The following LRRC43 variants were observed in gnomAD, a reference collection of about 807,000 sequenced individuals.
The protein encoded by LRRC43 is leucine rich repeat containing 43.
A neutral mutation model predicts 64.3 loss-of-function variants in LRRC43; 62 were observed. The observed-to-expected ratio is 0.96, with a 90% confidence interval of 0.79 to 1.19. The LOEUF is 1.19. Among genes scored for constraint, LRRC43 ranks in the 50% most tolerant of loss-of-function variants. The probability of loss-of-function intolerance (pLI) is 0.00; values close to 1 mark genes in which losing one functional copy is unlikely to be tolerated. For missense variants in LRRC43, 868 were observed against 845.0 expected (o/e 1.03, Z -0.34); for synonymous variants, 422 against 382.3 (o/e 1.10, Z -1.21).
chr12:122,171,429 C>G (rs1013860332), intron 1 of LRRC43, among the ~76,000 whole-genome samples: 1 of 152,178 alleles, frequency 6.6e-6, no homozygotes. Flanking sequence ...TGGTGCTGTC[C>G]TAGCTCACTG....
chr12:122,200,073 GT>G lies in LRRC43; in HGVS notation c.1350-113del. ...GCAGCCGGACCTCACGTCTCATGCT[GT>G]TTGTGGGCTTCGATGCTCGTGGTCT... is the stretch of plus-strand genomic sequence containing the variant. On this transcript the variant is annotated intron_variant, in intron 7 of 11. Transcript: ENST00000339777. This position sits in a 1 kb window ranked among gnomAD's most constrained non-coding sequence, Gnocchi z 4.6. The G allele has an allele frequency of 8.6e-7, 1 of 1,168,812 alleles. No homozygotes were observed. Among genetic ancestry groups the G allele is most frequent in the Admixed American group, 2.2e-5 (1 of 45,088 alleles). The allele number at this position is 1,168,812 out of a possible 1,614,324, so 72.4% of individuals were successfully genotyped here.
chr12:122,168,506 C>T (rs546363566), intron 1 of LRRC43, among the ~76,000 whole-genome samples: 1 of 151,646 alleles, frequency 6.6e-6, no homozygotes, highest in East Asian at 2.0e-4. Context: ...CCAGGCTGGT[C>T]TCGAGCTGAT....
chr12:122,202,178 T>C (rs1414708785), intron 11 of LRRC43: 1 of 152,024 alleles, frequency 6.6e-6, no homozygotes, highest in Non-Finnish European at 1.5e-5. Flanking sequence ...GTGATACTTA[T>C]CTGTGGGTTA....
chr12:122,179,768 C>A (rs150293131), upstream of LRRC43, among the ~76,000 whole-genome samples: 618 of 151,772 alleles, frequency 4.1e-3, 4 homozygotes, highest in African/African-American at 0.015. Context: ...GTCAAAAGGT[C>A]GAGACCATCC....
intron 1 of LRRC43, among the ~76,000 whole-genome samples, chr12:122,169,652 G>C (rs1195997621): frequency 6.1e-5 from 9 of 147,252 alleles, no homozygotes; most frequent in East Asian, 2.0e-4. Context: ...GGAGGCAGAG[G>C]TTGCAGTGAG....
rs200132936 is a variant in LRRC43, at chr12:122,184,608, G to A, written c.240G>A (p.Thr80=). The change falls in exon 2 of 12, where the codon ACG becomes ACA. Residue 80 remains threonine (T), a synonymous_variant. Transcript: ENST00000339777. This position sits in a 1 kb window ranked among gnomAD's most constrained non-coding sequence, Gnocchi z 4.0. The part of the protein sequence containing the change: ...EEDVVSPGEE[T]VEALLGLVRS... ...ATGTGGTGAGCCCCGGAGAGGAGAC[G>A]GTGGAGGCCCTGCTGGGCCTGGTCC... The A allele has an allele frequency of 1.1e-5, 18 of 1,613,950 alleles. No individual in the cohort carries two copies. Among genetic ancestry groups the A allele is most frequent in the Middle Eastern group, 1.6e-4 (1 of 6,062 alleles).
chr12:122,175,823 C>T (rs1182210157), intron 1 of LRRC43, among the ~76,000 whole-genome samples: 5 of 151,988 alleles, frequency 3.3e-5, no homozygotes, highest in Admixed American at 2.6e-4. Flanking sequence ...CCCACCACCA[C>T]GCCGGGCTAA....
At position 122,193,128 on chromosome 12, in the gene LRRC43, C is replaced by T. The variant is rs112459218; in HGVS notation, c.1349+124C>T. Reference sequence around the variant, plus strand: ...GGGCGCGGTGGCTCACGTCTGTAATCCCGGCACTTTGGGAGGCAGAGGCGG... The same window carrying T: ...GGGCGCGGTGGCTCACGTCTGTAATTCCGGCACTTTGGGAGGCAGAGGCGG... On this transcript the variant is annotated intron_variant, in intron 7 of 11. Transcript: ENST00000339777. The T allele has an allele frequency of 2.4e-3, 2,385 of 1,003,518 alleles. 40 individuals carry two copies. The African/African-American group carries it at 0.034, about 14-fold the overall frequency. 62.2% of individuals were successfully genotyped at this position (1,003,518 alleles called of 1,614,324 possible).
intron 4 of LRRC43, chr12:122,189,596 G>GC (rs767193420): frequency 3.1e-4 from 127 of 413,640 alleles, no homozygotes; most frequent in Middle Eastern, 1.3e-3. Context: ...CCCCTCCCAG[G>GC]CCCCTTTCCT....
rs572824909 is a variant in LRRC43, at chr12:122,175,789, C to A, written c.-406+8007C>A. 1.9e-3 allele frequency among the ~76,000 whole-genome samples: 288 copies of A among 152,192 alleles called. 2 individuals carry two copies. Among genetic ancestry groups the A allele is most frequent in the African/African-American group, 6.5e-3 (269 of 41,516 alleles). Reference sequence around the variant, plus strand: ...TCAAGCGATTCTCCTGCCTTAGCCTCCCGAGAAGCTGGGATTACAGGCACC... The same window carrying A: ...TCAAGCGATTCTCCTGCCTTAGCCTACCGAGAAGCTGGGATTACAGGCACC... On this transcript the variant is annotated intron_variant, in intron 1 of 5. Coordinates refer to the LRRC43 transcript ENST00000537729.
At chr12:122,201,423 G>T in intron 11 of LRRC43, 94 bp downstream of exon 11, 1 of 1,133,672 alleles carries the variant, frequency 8.8e-7, no homozygotes, top group Non-Finnish European at 1.3e-6. Flanking sequence ...AAAGGGTGGG[G>T]AATGGTAGCT....
chr12:122,201,441 T>TCTCCCCA, intron 11 of LRRC43, 112 bp downstream of exon 11: 3 of 919,936 alleles, frequency 3.3e-6, no homozygotes, highest in Non-Finnish European at 5.4e-6. Flanking sequence ...GCTTCTGGCC[T>TCTCCCCA]GGGGAGAGGC....
upstream of LRRC43, among the ~76,000 whole-genome samples, chr12:122,179,629 G>C (rs1392110573): frequency 2.6e-5 from 4 of 152,094 alleles, no homozygotes; most frequent in Admixed American, 6.6e-5. Context: ...CCATTAACAG[G>C]ACAAGGAGAA....
intron 4 of LRRC43, chr12:122,189,309 G>C (rs1342038260): frequency 2.4e-6 from 1 of 410,198 alleles, no homozygotes. Flanking sequence ...GCCCTTGGGG[G>C]GTCCAACCCT....
In LRRC43 at chr12:122,192,849, C is replaced by T. The variant is rs2136049062; in HGVS notation, c.1194C>T (p.Val398=). 1.2e-6 allele frequency: 2 copies of T among 1,610,648 alleles called. No homozygotes were observed. Among genetic ancestry groups the T allele is most frequent in the Non-Finnish European group, 8.5e-7 (1 of 1,180,018 alleles). ...TTGTTGAAGAGGTTACTGAAGAGGTCGAAGGGTCTCTGGAGTCTGAGGTGG... is the reference window on the plus strand; with the variant it reads ...TTGTTGAAGAGGTTACTGAAGAGGTTGAAGGGTCTCTGGAGTCTGAGGTGG... ...EDIVEEVTEE[V]EGSLESEVEE... Residue 398 remains valine, a synonymous_variant, in exon 7 of 12, where the codon GTC becomes GTT. Coordinates refer to ENST00000339777, the MANE Select transcript of LRRC43 (RefSeq NM_001098519.2).
chr12:122,200,863 C>T lies in LRRC43; in HGVS notation c.1738C>T (p.Pro580Ser), dbSNP rs781447140. The change falls in exon 10 of 12, where the codon CCC becomes TCC. Residue 580 changes from proline to serine, a missense_variant. Transcript: ENST00000339777. This position sits in a 1 kb window ranked among gnomAD's most constrained non-coding sequence, Gnocchi z 4.6. ...VILEPLLAGE[P>S]LVSTVCNFGV... ...CCTGGAGCCCCTGCTCGCCGGGGAG[C>T]CCCTGGTGTCCACCGTGTGCAACTT... 1.2e-5 allele frequency: 20 copies of T among 1,612,906 alleles called. No individual in the cohort carries two copies. The highest frequency in any genetic ancestry group is 5.0e-5 in the Admixed American group (3 of 59,942).
upstream of LRRC43, chr12:122,183,080 C>A (rs1953596722): frequency 2.0e-6 from 3 of 1,500,372 alleles, no homozygotes; most frequent in Non-Finnish European, 2.7e-6. Context: ...CAGGTGAGAG[C>A]GCCTGGAGAG....
At chr12:122,182,198 G>A (rs959990166), upstream of LRRC43, among the ~76,000 whole-genome samples, 12 of 151,616 alleles carry the variant, frequency 7.9e-5, no homozygotes, top group African/African-American at 9.7e-5. Flanking sequence ...GACCAACCTG[G>A]GCAACATGGT....
At chr12:122,191,177 A>T (rs1421116213) in intron 5 of LRRC43, among the ~76,000 whole-genome samples, 1 of 152,080 alleles carries the variant, frequency 6.6e-6, no homozygotes, top group African/African-American at 2.4e-5. Context: ...GATCAGGAAA[A>T]CAAGGCTGAA....
Sources: gnomAD v4.1 joint callset for allele counts (sites outside exome capture counted in the v4.1 genomes callset) on GRCh38, gnomAD v4.1.1 for gene constraint, Gnocchi (gnomAD v3.1) non-coding constraint, MANE v1.5 for transcripts, NCBI Gene and HGNC (gene_info 2026-07-23, HGNC 2026-07-21) for gene names.